The following TRIP13 variants were observed in gnomAD, a reference collection of about 807,000 sequenced individuals.
The protein encoded by TRIP13 is pachytene checkpoint protein 2 homolog.
Under a neutral mutation model 54.4 loss-of-function variants are expected in TRIP13, and 25 were observed. The ratio of observed to expected loss-of-function variants is 0.46; its 90% CI spans 0.33 to 0.64. The LOEUF is 0.64. Among genes scored for constraint, TRIP13 ranks in the 30% least tolerant of loss-of-function variants. TRIP13 has a pLI of 0.02. For synonymous variants in TRIP13, 207 were observed against 207.8 expected (o/e 1.00, Z 0.03); for missense variants, 373 against 534.2 (o/e 0.70, Z 2.97).
At chr5:904,904 A>G (rs1475906432) in intron 6 of TRIP13, among the ~76,000 whole-genome samples, 1 of 152,020 alleles carries the variant, frequency 6.6e-6, no homozygotes, top group Non-Finnish European at 1.5e-5. Flanking sequence ...AGCTGTTTTA[A>G]TGTTCTGTCT....
downstream of TRIP13, among the ~76,000 whole-genome samples, chr5:918,864 A>G (rs907780844): frequency 2.0e-5 from 3 of 152,156 alleles, no homozygotes; most frequent in African/African-American, 7.2e-5. This position sits in a 1 kb window ranked among gnomAD's most constrained non-coding sequence, Gnocchi z 4.3. Context: ...GCAGCTGATT[A>G]GATGGTGCCC....
rs1047444633 is a variant in TRIP13, at chr5:907,919, C to G, written c.673-69C>G. On this transcript the variant is annotated intron_variant, in intron 7 of 12. Coordinates refer to ENST00000166345, the MANE Select transcript of TRIP13 (RefSeq NM_004237.4). This position sits in a 1 kb window ranked among gnomAD's most constrained non-coding sequence, Gnocchi z 4.1. ...GGACAACTGGGGCAGCAGGCCACAT[C>G]AGGGTCCCCCTGTGCACCTGGCAGT... is the stretch of plus-strand genomic sequence containing the variant. 1.5e-5 allele frequency: 23 copies of G among 1,534,466 alleles called. No homozygotes were observed. The African/African-American group carries it at 2.6e-4, about 17-fold the overall frequency.
intron 5 of TRIP13, among the ~76,000 whole-genome samples, chr5:903,389 A>G (rs1341703465): frequency 1.3e-5 from 2 of 152,096 alleles, no homozygotes; most frequent in Non-Finnish European, 2.9e-5. Flanking sequence ...CTAGGTTATG[A>G]TTGTAGAGCA....
At chr5:909,210 G>T (rs1236876886) in intron 9 of TRIP13, among the ~76,000 whole-genome samples, 1 of 152,190 alleles carries the variant, frequency 6.6e-6, no homozygotes, top group African/African-American at 2.4e-5. Context: ...GCCAGGGCCT[G>T]TTGTCATTGT....
chr5:904,298 A>G lies in TRIP13; in HGVS notation c.608+78A>G, dbSNP rs981982066. ...GGAGGTTGTTTTTTTTTTTTTCTAAATCATTTTACGCAAATAATAGATTCC... is the reference window on the plus strand; with the variant it reads ...GGAGGTTGTTTTTTTTTTTTTCTAAGTCATTTTACGCAAATAATAGATTCC... On this transcript the variant is annotated intron_variant, in intron 6 of 12. Coordinates refer to ENST00000166345, the MANE Select transcript of TRIP13 (RefSeq NM_004237.4). 6.5e-6 allele frequency: 8 copies of G among 1,235,836 alleles called. No individual in the cohort carries two copies. In the African/African-American group the frequency reaches 1.1e-4, roughly 17 times the overall value. The allele number at this position is 1,235,836 out of a possible 1,614,324, so 76.6% of individuals were successfully genotyped here.
chr5:914,393 C>A, intron 10 of TRIP13, 72 bp from the exon 11 acceptor site: 1 of 1,024,380 alleles, frequency 9.8e-7, no homozygotes, highest in Admixed American at 1.8e-5. Context: ...CAGGTGCTGT[C>A]CCTCTTGCTG....
rs374393308 is a variant in TRIP13, at chr5:904,125, A to G, written c.536-23A>G. ...TGTTGTAGCACTGACTTAAAAATATATTTGCTTGGATCTTTGTCACAGGTC... is the reference window on the plus strand; with the variant it reads ...TGTTGTAGCACTGACTTAAAAATATGTTTGCTTGGATCTTTGTCACAGGTC... On this transcript the variant is annotated intron_variant, in intron 5 of 12. Coordinates refer to ENST00000166345, the MANE Select transcript of TRIP13 (RefSeq NM_004237.4). 9.7e-5 allele frequency: 154 copies of G among 1,594,060 alleles called. 1 individual carries two copies. The African/African-American group carries it at 1.4e-3, about 14-fold the overall frequency.
intron 12 of TRIP13, 76 bp from the exon 13 acceptor site, chr5:916,932 G>C: frequency 7.3e-7 from 1 of 1,370,246 alleles, no homozygotes; most frequent in Non-Finnish European, 1.0e-6. Context: ...TGTGGGTGGC[G>C]GCAGGGGCTG....
At position 904,226 on chromosome 5, in the gene TRIP13, T is replaced by G. The variant is rs1279815056; in HGVS notation, c.608+6T>G. ...ACAATTAGACTTTCAAGCAGGTAACTTTCGGTAATCTGTGAGAGGAGAGCC... is the reference window on the plus strand; with the variant it reads ...ACAATTAGACTTTCAAGCAGGTAACGTTCGGTAATCTGTGAGAGGAGAGCC... On this transcript the variant is annotated splice_donor_region_variant and intron_variant, in intron 6 of 12. Transcript: ENST00000166345. The G allele has an allele frequency of 6.8e-6, 11 of 1,606,258 alleles. No homozygotes were observed. Among genetic ancestry groups the G allele is most frequent in the Admixed American group, 1.7e-5 (1 of 58,392 alleles).
chr5:895,788 G>T (rs986316571), intron 2 of TRIP13, among the ~76,000 whole-genome samples: 2 of 152,186 alleles, frequency 1.3e-5, no homozygotes, highest in African/African-American at 4.8e-5. Context: ...GGAATTTATC[G>T]TAGCTGATAA....
intron 2 of TRIP13, 66 bp downstream of exon 2, chr5:895,018 C>G: frequency 6.6e-7 from 1 of 1,504,104 alleles, no homozygotes; most frequent in Non-Finnish European, 8.9e-7. Flanking sequence ...TCATGAATGT[C>G]TTGCCGTTTT....
Position 913,479 on chromosome 5 carries a change from G to A in TRIP13, c.1021-986G>A, listed in dbSNP as rs531850269. Among the ~76,000 whole-genome samples, 15 of 152,190 alleles carry A rather than the reference G, an allele frequency of 9.9e-5. No homozygotes were observed. The highest frequency in any genetic ancestry group is 2.1e-4 in the South Asian group (1 of 4,820). On this transcript the variant is annotated intron_variant, in intron 10 of 12. Transcript: ENST00000166345. This position sits in a 1 kb window ranked among gnomAD's most constrained non-coding sequence, Gnocchi z 4.5. ...CAAGCGATTCTCGTGCCTCAGCTTC[G>A]TGAGTAGCTGGGATTACAGGTGCAT...
rs778176117 is a variant in TRIP13, at chr5:900,537, A to G, written c.432A>G (p.Glu144=). Reference sequence around the variant, plus strand: ...GGGACAGCTTGGTATACGATGTGGAAGTCAAATCCCATGTAAGTTGCTGTG... The same window carrying G: ...GGGACAGCTTGGTATACGATGTGGAGGTCAAATCCCATGTAAGTTGCTGTG... The part of the protein sequence containing the change: ...GLWDSLVYDV[E]VKSHLLDYVM... The change falls in exon 4 of 13, where the codon GAA becomes GAG. Residue 144 remains glutamate (E), a synonymous_variant. Coordinates refer to ENST00000166345, the MANE Select transcript of TRIP13 (RefSeq NM_004237.4). 3.1e-6 allele frequency: 5 copies of G among 1,611,702 alleles called. No homozygotes were observed. The highest frequency in any genetic ancestry group is 4.2e-6 in the Non-Finnish European group (5 of 1,179,460).
intron 4 of TRIP13, 81 bp from the exon 5 acceptor site, chr5:901,260 A>T: frequency 1.6e-6 from 2 of 1,287,044 alleles, no homozygotes; most frequent in Non-Finnish European, 2.2e-6. Flanking sequence ...ATGTAGGATT[A>T]AGCCCTGGGG....
downstream of TRIP13, among the ~76,000 whole-genome samples, chr5:918,813 C>T (rs1754380892): frequency 6.6e-6 from 1 of 152,134 alleles, no homozygotes; most frequent in African/African-American, 2.4e-5. This position sits in a 1 kb window ranked among gnomAD's most constrained non-coding sequence, Gnocchi z 4.3. Flanking sequence ...CCCGTCTCGC[C>T]TTTTCACATT....
Position 894,870 on chromosome 5 carries a change from C to T in TRIP13, c.176C>T (p.Thr59Ile), listed in dbSNP as rs1380429666. 6.2e-7 allele frequency: 1 copy of T among 1,614,020 alleles called. No homozygotes were observed. Among genetic ancestry groups the T allele is most frequent in the South Asian group, 1.1e-5 (1 of 91,038 alleles). ...HNIVFGDYTW[T>I]EFDEPFLTRN... ...ATTGTGTTTGGTGATTACACATGGA[C>T]TGAGTTTGATGAACCTTTTTTGACC... is the stretch of plus-strand genomic sequence containing the variant. Residue 59 changes from threonine to isoleucine, a missense_variant, in exon 2 of 13, where the codon ACT (threonine) becomes ATT (isoleucine). Coordinates refer to ENST00000166345, the MANE Select transcript of TRIP13 (RefSeq NM_004237.4).
intron 6 of TRIP13, among the ~76,000 whole-genome samples, chr5:905,343 G>C (rs1311256820): frequency 6.6e-6 from 1 of 152,172 alleles, no homozygotes; most frequent in East Asian, 1.9e-4. Flanking sequence ...TAGCTGCAGG[G>C]AATGTCCCCT....
Position 892,964 on chromosome 5 carries a change from G to A in TRIP13, c.-35G>A. 1.4e-6 allele frequency: 2 copies of A among 1,468,956 alleles called. No individual in the cohort carries two copies. The highest frequency in any genetic ancestry group is 2.8e-5 in the East Asian group (1 of 36,036). 91.0% of individuals were successfully genotyped at this position (1,468,956 alleles called of 1,614,324 possible). On this transcript the variant is annotated 5_prime_UTR_variant, in exon 1 of 13. Transcript: ENST00000166345. ...CTGGGCGTGAGGTGGCGGCGGCCGC[G>A]CCCTGGTTGGGTCCCCACTGCTCTC...
chr5:903,532 C>T lies in TRIP13; in HGVS notation c.536-616C>T, dbSNP rs1480664587. Among the ~76,000 whole-genome samples the T allele has an allele frequency of 2.4e-4, 36 of 152,052 alleles. 1 individual carries two copies. The highest frequency in any genetic ancestry group is 2.4e-3 in the Admixed American group (36 of 15,256). On this transcript the variant is annotated intron_variant, in intron 5 of 12. Transcript: ENST00000166345. Reference sequence around the variant, plus strand: ...TTTATTTTATTATACTGGAACAGCTCGTGCCCTCGGTCTCTTGCCTCGGCA... The same window carrying T: ...TTTATTTTATTATACTGGAACAGCTTGTGCCCTCGGTCTCTTGCCTCGGCA...
Sources: gnomAD v4.1 joint callset for allele counts (sites outside exome capture counted in the v4.1 genomes callset) on GRCh38, gnomAD v4.1.1 for gene constraint, Gnocchi (gnomAD v3.1) non-coding constraint, MANE v1.5 for transcripts, NCBI Gene and HGNC (gene_info 2026-07-23, HGNC 2026-07-21) for gene names.